The following PDXDC1 variants were observed in gnomAD, a reference collection of about 807,000 sequenced individuals.
The protein encoded by PDXDC1 is pyridoxal-dependent decarboxylase domain-containing protein 1.
A neutral mutation model predicts 100.1 loss-of-function variants in PDXDC1; 42 were observed. The ratio of observed to expected loss-of-function variants is 0.42; its 90% CI spans 0.33 to 0.54. PDXDC1 has a LOEUF of 0.54. Among genes scored for constraint, PDXDC1 ranks in the 20% least tolerant of loss-of-function variants. The pLI, the probability that PDXDC1 is intolerant of heterozygous loss-of-function variation, is 0.10. For missense variants in PDXDC1, 636 were observed against 979.2 expected (o/e 0.65, Z 4.68); for synonymous variants, 260 against 371.7 (o/e 0.70, Z 3.46).
chr16:15,148,196 C>T, the PDXDC1 span, among the ~76,000 whole-genome samples: 22 of 150,490 alleles, frequency 1.5e-4, no homozygotes, highest in Non-Finnish European at 2.8e-4. Flanking sequence ...AAACTCCTGG[C>T]CTCAAGCCAT....
the PDXDC1 span, among the ~76,000 whole-genome samples, chr16:15,147,366 C>A: frequency 6.6e-6 from 1 of 152,222 alleles, no homozygotes; most frequent in African/African-American, 2.4e-5. Context: ...CTGATGAAAT[C>A]ATCACCACGG....
chr16:14,990,533 G>A (rs7499855), intron 1 of PDXDC1, among the ~76,000 whole-genome samples: 19,593 of 148,422 alleles, frequency 0.13, 352 homozygotes, highest in African/African-American at 0.19. Context: ...TTTTCATAGA[G>A]CATTCATTGG....
chr16:15,061,302 T>G (rs1293330047), intron 16 of PDXDC1: 1 of 160,820 alleles, frequency 6.2e-6, no homozygotes, highest in African/African-American at 2.4e-5. Context: ...AGTCTTTAAA[T>G]AGAAGTTTTA....
chr16:15,036,651 C>T lies in PDXDC1; in HGVS notation c.*376C>T. The T allele has an allele frequency of 4.2e-6, 1 of 240,700 alleles. No individual in the cohort carries two copies. The highest frequency in any genetic ancestry group is 8.1e-6 in the Non-Finnish European group (1 of 123,146). The allele number at this position is 240,700 out of a possible 1,614,324, so 14.9% of individuals were successfully genotyped here. ...GGTAAAACAGCTTTTCATTAGCACT[C>T]TCCAGGTTCTCTGCAACACTTCACA... On this transcript the variant is annotated 3_prime_UTR_variant, in exon 23 of 23. Transcript: ENST00000396410.
At chr16:15,130,381 C>A (rs531907227) in intron 16 of PDXDC1, 128 of 1,575,662 alleles carry the variant, frequency 8.1e-5, no homozygotes, top group Non-Finnish European at 1.0e-4. Context: ...TACAGGCCCA[C>A]GGACACCTCC....
intron 16 of PDXDC1, among the ~76,000 whole-genome samples, chr16:15,051,717 TA>T (rs1342401940): frequency 1.5e-5 from 2 of 134,538 alleles, no homozygotes; most frequent in East Asian, 2.2e-4. Context: ...TTTTTTTTTT[TA>T]GAGACAAGGC....
chr16:14,991,342 G>C (rs1297158109), intron 1 of PDXDC1, among the ~76,000 whole-genome samples: 1 of 151,838 alleles, frequency 6.6e-6, no homozygotes, highest in African/African-American at 2.4e-5. Flanking sequence ...CTGTTGACCA[G>C]GCTGGAGTGC....
At chr16:15,006,697 G>A (rs1168401643) in intron 6 of PDXDC1, 114 bp downstream of exon 6, 1 of 1,039,902 alleles carries the variant, frequency 9.6e-7, no homozygotes, top group African/African-American at 1.6e-5. Context: ...AAGAAAGATG[G>A]TCTTATATGC....
rs1970140103 is a variant in PDXDC1, at chr16:14,989,288, G to A, written c.22-8465G>A. 3.7e-6 allele frequency: 6 copies of A among 1,613,274 alleles called. No homozygotes were observed. The African/African-American group carries it at 6.7e-5, about 18-fold the overall frequency. ...GCACCTGGGGGATAATGGGGCCAGA[G>A]ACGTGCACCACCCACAGCACCGTCT... On this transcript the variant is annotated intron_variant, in intron 1 of 22. Coordinates refer to ENST00000396410, the MANE Select transcript of PDXDC1 (RefSeq NM_015027.4).
At chr16:15,005,861 C>T (rs6498536) in intron 5 of PDXDC1, among the ~76,000 whole-genome samples, 92 of 152,130 alleles carry the variant, frequency 6.0e-4, no homozygotes, top group African/African-American at 2.0e-3. Context: ...CACCACACCT[C>T]GCAATTAGTA....
intron 16 of PDXDC1, chr16:15,074,676 C>T (rs2045375421): frequency 2.7e-6 from 4 of 1,487,770 alleles, no homozygotes; most frequent in African/African-American, 2.8e-5. Context: ...CAGCACAAAG[C>T]CAGGTACACT....
At chr16:15,122,277 C>G (rs1489425403) in intron 16 of PDXDC1, among the ~76,000 whole-genome samples, 1 of 150,028 alleles carries the variant, frequency 6.7e-6, no homozygotes, top group African/African-American at 2.5e-5. Flanking sequence ...GCGGGGCCAT[C>G]TCGGCTCACT....
intron 16 of PDXDC1, chr16:15,127,530 G>A (rs1245731834): frequency 3.4e-6 from 5 of 1,454,548 alleles, no homozygotes; most frequent in Non-Finnish European, 4.7e-6. Flanking sequence ...AGACAACCAC[G>A]CTGGACACCA....
chr16:15,096,482 C>CT (rs1316907358), intron 16 of PDXDC1, among the ~76,000 whole-genome samples: 1 of 152,214 alleles, frequency 6.6e-6, no homozygotes, highest in African/African-American at 2.4e-5. Context: ...TCCTGAGTCT[C>CT]TATTTGGTCC....
At chr16:15,028,729 C>G (rs2042820480) in intron 14 of PDXDC1, 149 bp from the exon 15 acceptor site, 1 of 673,860 alleles carries the variant, frequency 1.5e-6, no homozygotes, top group African/African-American at 1.8e-5. Flanking sequence ...GAAATGTAGC[C>G]CTTCTGTCAG....
chr16:14,990,264 GC>G, intron 1 of PDXDC1: 1 of 463,092 alleles, frequency 2.2e-6, no homozygotes, highest in African/African-American at 2.1e-5. Context: ...AGACCGCGGC[GC>G]CCACCCCGGC....
chr16:14,978,620 C>T (rs60029483), intron 1 of PDXDC1, among the ~76,000 whole-genome samples: 1,009 of 152,026 alleles, frequency 6.6e-3, no homozygotes, highest in African/African-American at 0.023. Flanking sequence ...GTCCCAACCT[C>T]CTGGGCTGAA....
At chr16:15,033,447 C>T (rs1489619685) in intron 19 of PDXDC1, 48 bp downstream of exon 19, 3 of 1,598,686 alleles carry the variant, frequency 1.9e-6, no homozygotes, top group Non-Finnish European at 2.6e-6. Context: ...TTTTGTCCCA[C>T]CAAACAGCAG....
chr16:15,144,810 C>A, the PDXDC1 span, among the ~76,000 whole-genome samples: 1 of 152,204 alleles, frequency 6.6e-6, no homozygotes, highest in African/African-American at 2.4e-5. Flanking sequence ...TGGAAAAACA[C>A]AGCCAGCTCA....
Sources: gnomAD v4.1 joint callset for allele counts (sites outside exome capture counted in the v4.1 genomes callset) on GRCh38, gnomAD v4.1.1 for gene constraint, MANE v1.5 for transcripts, NCBI Gene and HGNC (gene_info 2026-07-23, HGNC 2026-07-21) for gene names.